Variants in PTPRR observed in about 807,000 individuals in gnomAD.
The protein encoded by PTPRR is receptor-type tyrosine-protein phosphatase R.
PTPRR carries 38 observed loss-of-function variants against 77.2 expected under a neutral mutation model. The ratio of observed to expected loss-of-function variants is 0.49; its 90% CI spans 0.38 to 0.65. The LOEUF is 0.65. Among genes scored for constraint, PTPRR ranks in the 30% least tolerant of loss-of-function variants. The pLI, the probability that PTPRR is intolerant of heterozygous loss-of-function variation, is 0.00. For synonymous variants in PTPRR, 299 were observed against 283.1 expected (o/e 1.06, Z -0.57); for missense variants, 744 against 799.2 (o/e 0.93, Z 0.83).
chr12:70,818,722 G>A lies in PTPRR; in HGVS notation c.358-53944C>T, dbSNP rs1053176985. On this transcript the variant is annotated intron_variant, in intron 2 of 13. Transcript: ENST00000283228. ...AAATCTGTGTCAAATCACTTTAAAG[G>A]TAACAGATATTCAATCAATTTTAAG... 5.9e-5 allele frequency among the ~76,000 whole-genome samples: 9 copies of A among 151,706 alleles called. No homozygotes were observed. In the East Asian group the frequency reaches 1.7e-3, roughly 29 times the overall value.
intron 2 of PTPRR, among the ~76,000 whole-genome samples, chr12:70,872,086 G>A (rs750597364): frequency 2.6e-5 from 4 of 151,842 alleles, no homozygotes; most frequent in Non-Finnish European, 4.4e-5. Flanking sequence ...TAAAATAGAC[G>A]TGATTTTCAT....
intron 13 of PTPRR, among the ~76,000 whole-genome samples, chr12:70,640,129 A>T (rs1412210957): frequency 6.6e-6 from 1 of 152,184 alleles, no homozygotes; most frequent in African/African-American, 2.4e-5. Flanking sequence ...GTTTTTATAT[A>T]CATAATACCT....
intron 10 of PTPRR, among the ~76,000 whole-genome samples, chr12:70,679,178 C>A (rs1359844685): frequency 6.6e-6 from 1 of 151,932 alleles, no homozygotes; most frequent in Non-Finnish European, 1.5e-5. Flanking sequence ...TTCATTGATC[C>A]ATTGGTTGTT....
intron 2 of PTPRR, among the ~76,000 whole-genome samples, chr12:70,832,315 C>A (rs1892227306): frequency 6.6e-6 from 1 of 152,138 alleles, no homozygotes; most frequent in Admixed American, 6.6e-5. Context: ...GGGAAGCAGG[C>A]TCTATGCTGC....
intron 6 of PTPRR, among the ~76,000 whole-genome samples, chr12:70,733,971 A>G (rs566204456): frequency 2.0e-5 from 3 of 152,310 alleles, no homozygotes; most frequent in Admixed American, 1.3e-4. Context: ...ACCCTGAACT[A>G]CATAGCTTTA....
At chr12:70,864,981 T>G (rs1892817453) in intron 2 of PTPRR, among the ~76,000 whole-genome samples, 1 of 152,044 alleles carries the variant, frequency 6.6e-6, no homozygotes, top group Non-Finnish European at 1.5e-5. Context: ...CTGGCTAATT[T>G]TTTTTGTATT....
chr12:70,770,719 G>A lies in PTPRR; in HGVS notation c.358-5941C>T, dbSNP rs188696220. Among the ~76,000 whole-genome samples, 25 of 152,122 alleles carry A rather than the reference G, an allele frequency of 1.6e-4. No individual in the cohort carries two copies. The East Asian group carries it at 3.9e-3, about 24-fold the overall frequency. ...ACACATGCACACATAGGTTTATTGC[G>A]GCACAATTCACAATAGCAAAGACTT... On this transcript the variant is annotated intron_variant, in intron 2 of 13. Coordinates refer to ENST00000283228, the MANE Select transcript of PTPRR (RefSeq NM_002849.4).
At chr12:70,649,239 C>T (rs1886305636) in intron 13 of PTPRR, among the ~76,000 whole-genome samples, 1 of 152,074 alleles carries the variant, frequency 6.6e-6, no homozygotes, top group African/African-American at 2.4e-5. Context: ...TTAATCCTAT[C>T]CAGTGTTCAA....
At chr12:70,661,129 T>C (rs761154460) in intron 11 of PTPRR, 32 bp from the exon 12 acceptor site, 48 of 1,584,826 alleles carry the variant, frequency 3.0e-5, no homozygotes, top group Non-Finnish European at 3.4e-5. Flanking sequence ...AAATGCCTCA[T>C]TCACTTGTAG....
intron 2 of PTPRR, among the ~76,000 whole-genome samples, chr12:70,869,612 C>T (rs535707656): frequency 4.6e-5 from 7 of 152,196 alleles, no homozygotes; most frequent in Non-Finnish European, 1.0e-4. Flanking sequence ...GGGAGATTAT[C>T]CTGGATTAGT....
At chr12:70,661,633 C>G (rs543133408) in intron 11 of PTPRR, among the ~76,000 whole-genome samples, 37 of 152,162 alleles carry the variant, frequency 2.4e-4, no homozygotes, top group Non-Finnish European at 5.0e-4. Context: ...TGGGTGAGGG[C>G]CCACACACCT....
At chr12:70,877,824 G>C (rs918998784) in intron 2 of PTPRR, among the ~76,000 whole-genome samples, 41 of 152,102 alleles carry the variant, frequency 2.7e-4, no homozygotes, top group Non-Finnish European at 5.0e-4. Flanking sequence ...AAAGCTGGAG[G>C]CATCACACTA....
chr12:70,831,669 G>A (rs1037545218), intron 2 of PTPRR, among the ~76,000 whole-genome samples: 2 of 152,198 alleles, frequency 1.3e-5, no homozygotes, highest in Non-Finnish European at 2.9e-5. Flanking sequence ...GCAAGCACAT[G>A]AGGACAGATG....
chr12:70,668,513 T>C (rs1203898431), intron 10 of PTPRR, among the ~76,000 whole-genome samples: 1 of 152,234 alleles, frequency 6.6e-6, no homozygotes, highest in East Asian at 1.9e-4. Context: ...GATTACCTTT[T>C]ACTCTACTTT....
intron 2 of PTPRR, among the ~76,000 whole-genome samples, chr12:70,859,044 T>G (rs893785935): frequency 1.3e-5 from 2 of 152,048 alleles, no homozygotes; most frequent in Non-Finnish European, 2.9e-5. Flanking sequence ...ATTGGTTTCT[T>G]AAGCACCAGT....
intron 2 of PTPRR, among the ~76,000 whole-genome samples, chr12:70,770,645 C>A (rs1258844104): frequency 6.6e-6 from 1 of 152,076 alleles, no homozygotes; most frequent in Non-Finnish European, 1.5e-5. Flanking sequence ...CCCAGCCATC[C>A]CATTACTGGG....
intron 10 of PTPRR, among the ~76,000 whole-genome samples, chr12:70,663,668 C>T (rs535976126): frequency 7.9e-5 from 12 of 152,144 alleles, no homozygotes; most frequent in African/African-American, 2.9e-4. Flanking sequence ...CTATTTTTTA[C>T]CACAAATTTT....
intron 2 of PTPRR, among the ~76,000 whole-genome samples, chr12:70,828,644 A>G (rs1480761418): frequency 1.3e-5 from 2 of 152,172 alleles, no homozygotes; most frequent in Non-Finnish European, 2.9e-5. Flanking sequence ...TTTCTTATGC[A>G]TATTATATGC....
chr12:70,803,203 C>T (rs760518120), intron 2 of PTPRR, among the ~76,000 whole-genome samples: 3 of 152,132 alleles, frequency 2.0e-5, no homozygotes, highest in South Asian at 2.1e-4. Context: ...ATCTCTGAAG[C>T]GCTCCGGGGG....
Sources: gnomAD v4.1 joint callset for allele counts (sites outside exome capture counted in the v4.1 genomes callset) on GRCh38, gnomAD v4.1.1 for gene constraint, MANE v1.5 for transcripts, NCBI Gene and HGNC (gene_info 2026-07-23, HGNC 2026-07-21) for gene names.